Variants in ATRNL1 observed in about 807,000 individuals in gnomAD.
The protein encoded by ATRNL1 is attractin like 1.
A neutral mutation model predicts 182.7 loss-of-function variants in ATRNL1; 95 were observed. That is an observed-to-expected ratio of 0.52 (90% CI 0.44 to 0.62). The LOEUF is 0.62. ATRNL1 is among the 20% of genes least tolerant of loss of function. The probability of loss-of-function intolerance (pLI) is 0.00; values close to 1 mark genes in which losing one functional copy is unlikely to be tolerated. For synonymous variants in ATRNL1, 576 were observed against 568.3 expected (o/e 1.01, Z -0.19); for missense variants, 1,471 against 1,679.5 (o/e 0.88, Z 2.17).
intron 26 of ATRNL1, among the ~76,000 whole-genome samples, chr10:115,656,310 T>C (rs977107416): frequency 6.6e-6 from 1 of 152,188 alleles, no homozygotes; most frequent in Non-Finnish European, 1.5e-5. Flanking sequence ...GAGAAAAAAA[T>C]ACTTCCTGGA....
intron 19 of ATRNL1, among the ~76,000 whole-genome samples, chr10:115,350,335 A>AC (rs1564941306): frequency 3.1e-4 from 10 of 32,410 alleles, no homozygotes; most frequent in African/African-American, 9.4e-4. Flanking sequence ...ACTCTGTCTC[A>AC]AAAAAAAAAA....
At chr10:115,127,058 C>G (rs937173362) in intron 3 of ATRNL1, among the ~76,000 whole-genome samples, 23 of 152,144 alleles carry the variant, frequency 1.5e-4, no homozygotes, top group African/African-American at 5.3e-4. Context: ...ACATTAAAGT[C>G]TATATAGTTT....
chr10:115,332,777 C>G (rs1855289706), intron 18 of ATRNL1, among the ~76,000 whole-genome samples: 1 of 151,382 alleles, frequency 6.6e-6, no homozygotes. Context: ...CTCTCACTTT[C>G]AGATTTTCTG....
At chr10:115,373,038 CT>C (rs1429292199) in intron 19 of ATRNL1, among the ~76,000 whole-genome samples, 2 of 151,992 alleles carry the variant, frequency 1.3e-5, no homozygotes, top group African/African-American at 4.8e-5. Flanking sequence ...TCCTGTTCAA[CT>C]TTTTTCATCA....
At chr10:115,711,554 T>G (rs1299204912) in intron 26 of ATRNL1, among the ~76,000 whole-genome samples, 1 of 152,178 alleles carries the variant, frequency 6.6e-6, no homozygotes, top group African/African-American at 2.4e-5. Flanking sequence ...AGTTTAACCA[T>G]AAAGCCTGTG....
intron 8 of ATRNL1, among the ~76,000 whole-genome samples, chr10:115,177,535 C>G (rs1554886969): frequency 6.6e-6 from 1 of 152,082 alleles, no homozygotes; most frequent in Admixed American, 6.6e-5. Context: ...TTTAAAGGTC[C>G]AGGCTTTAAT....
At chr10:115,211,071 T>G (rs1849002735) in intron 8 of ATRNL1, among the ~76,000 whole-genome samples, 1 of 151,292 alleles carries the variant, frequency 6.6e-6, no homozygotes. Flanking sequence ...TTAATTATAC[T>G]TTAAGTTTTA....
At chr10:115,725,605 T>A (rs1947572382) in intron 26 of ATRNL1, among the ~76,000 whole-genome samples, 1 of 152,126 alleles carries the variant, frequency 6.6e-6, no homozygotes, top group African/African-American at 2.4e-5. Context: ...AAAGTGGAAT[T>A]TACAATTTTC....
At chr10:115,823,980 G>C (rs538863623) in intron 27 of ATRNL1, among the ~76,000 whole-genome samples, 1 of 152,028 alleles carries the variant, frequency 6.6e-6, no homozygotes. Context: ...GACAATCCTA[G>C]TCAAAAAGAA....
intron 19 of ATRNL1, among the ~76,000 whole-genome samples, chr10:115,390,238 A>G (rs141359042): frequency 6.6e-6 from 1 of 152,022 alleles, no homozygotes; most frequent in Non-Finnish European, 1.5e-5. Flanking sequence ...TTTGTTTTGC[A>G]TGTGCTTTTG....
chr10:115,347,709 A>G (rs1442418633), intron 19 of ATRNL1, among the ~76,000 whole-genome samples: 1 of 152,032 alleles, frequency 6.6e-6, no homozygotes, highest in Non-Finnish European at 1.5e-5. Context: ...TATTATGGTT[A>G]GTCAGTTATT....
At position 115,368,200 on chromosome 10, in the gene ATRNL1, G is replaced by C. The variant is rs1554946765; in HGVS notation, c.3176-26459G>C. ...AGACTCCGTGGGCGTAGGACCCTCTGAGCCAGGTGCGGGATATAATCTCGC... is the reference window on the plus strand; with the variant it reads ...AGACTCCGTGGGCGTAGGACCCTCTCAGCCAGGTGCGGGATATAATCTCGC... On this transcript the variant is annotated intron_variant, in intron 19 of 28. Transcript: ENST00000355044. Among the ~76,000 whole-genome samples, 4 of 152,318 alleles carry C rather than the reference G, an allele frequency of 2.6e-5. No homozygotes were observed. In the South Asian group the frequency reaches 8.3e-4, roughly 32 times the overall value.
At chr10:115,690,711 C>T (rs1365418683) in intron 26 of ATRNL1, among the ~76,000 whole-genome samples, 1 of 152,186 alleles carries the variant, frequency 6.6e-6, no homozygotes, top group African/African-American at 2.4e-5. Flanking sequence ...GGGCAAGATG[C>T]AGTCCCATGG....
rs1260061247 is a variant in ATRNL1 at position 115,531,884 on chromosome 10, G to A, written c.3716+12560G>A. On this transcript the variant is annotated intron_variant, in intron 25 of 28. Transcript: ENST00000355044. ...TTCCCAGCACCATTTATTAAATAGG[G>A]AATCCTTTCCCCATTGCTTGTTTTT... is the stretch of plus-strand genomic sequence containing the variant. 4.1e-5 allele frequency among the ~76,000 whole-genome samples: 6 copies of A among 144,898 alleles called. No homozygotes were observed. The East Asian group carries it at 1.2e-3, about 29-fold the overall frequency.
chr10:115,327,126 C>T (rs1854937417), intron 18 of ATRNL1, among the ~76,000 whole-genome samples: 1 of 151,682 alleles, frequency 6.6e-6, no homozygotes, highest in Non-Finnish European at 1.5e-5. Flanking sequence ...GCAAAAGAAA[C>T]TACCATCAGA....
intron 3 of ATRNL1, among the ~76,000 whole-genome samples, chr10:115,124,396 C>T (rs1449890066): frequency 6.6e-6 from 1 of 152,098 alleles, no homozygotes; most frequent in African/African-American, 2.4e-5. Context: ...AGAGTGAGGT[C>T]TGGGAGGATC....
In ATRNL1 at chr10:115,887,510, C is replaced by T. The variant is rs959014978; in HGVS notation, c.4018+39519C>T. On this transcript the variant is annotated intron_variant, in intron 28 of 28. Transcript: ENST00000355044. ...GCTCTCTTTTATAAGGGCACTGGTC[C>T]ATTCATGAGGGCTCTGCCCTTGTGA... is the stretch of plus-strand genomic sequence containing the variant. 6.6e-5 allele frequency among the ~76,000 whole-genome samples: 10 copies of T among 152,036 alleles called. No homozygotes were observed. The East Asian group carries it at 9.7e-4, about 15-fold the overall frequency.
chr10:115,687,769 A>G (rs2804150), intron 26 of ATRNL1, among the ~76,000 whole-genome samples: 149,410 of 152,112 alleles, frequency 0.98, 73,440 homozygotes, highest in East Asian at 1. Context: ...GGGTAATTGG[A>G]GTATCAATCA....
At chr10:115,315,920 A>G (rs757565625) in intron 18 of ATRNL1, among the ~76,000 whole-genome samples, 184 bp downstream of exon 18, 5 of 152,216 alleles carry the variant, frequency 3.3e-5, no homozygotes, top group Non-Finnish European at 7.3e-5. Flanking sequence ...GGTGGTATTC[A>G]GTTTAGAATC....
Sources: gnomAD v4.1 joint callset for allele counts (sites outside exome capture counted in the v4.1 genomes callset) on GRCh38, gnomAD v4.1.1 for gene constraint, MANE v1.5 for transcripts, NCBI Gene and HGNC (gene_info 2026-07-23, HGNC 2026-07-21) for gene names.